EIF4H: variants seen among roughly 807,000 people sequenced by gnomAD.
EIF4H encodes the protein eukaryotic translation initiation factor 4H.
A neutral mutation model predicts 30.6 loss-of-function variants in EIF4H; 8 were observed. That is an observed-to-expected ratio of 0.26 (90% CI 0.15 to 0.47). The LOEUF is 0.47. Ranked by LOEUF, EIF4H falls within the 20% of genes least tolerant of loss-of-function variation. The pLI, the probability that EIF4H is intolerant of heterozygous loss-of-function variation, is 0.99. For synonymous variants in EIF4H, 106 were observed against 122.7 expected, an observed-to-expected ratio of 0.86 and a Z score of 0.90; for missense variants, 188 against 339.5, an observed-to-expected ratio of 0.55 and a Z score of 3.51.
chr7:74,181,904 A>G (rs1800971338), intron 1 of EIF4H, among the ~76,000 whole-genome samples: 1 of 151,848 alleles, frequency 6.6e-6, no homozygotes, highest in African/African-American at 2.4e-5. Flanking sequence ...GTTAGTAGAG[A>G]TGGGGTTTCA....
chr7:74,178,908 C>G lies in EIF4H; in HGVS notation c.59+4466C>G, dbSNP rs142967369. 8.7e-3 allele frequency among the ~76,000 whole-genome samples: 1,319 copies of G among 152,346 alleles called. 4 individuals carry two copies. The highest frequency in any genetic ancestry group is 0.016 in the Admixed American group (250 of 15,302). ...TTGATCAGGACCTTCTGAAGGAGCT[C>G]AAGTATGTGGCTGCTCCACGGTTGA... On this transcript the variant is annotated intron_variant, in intron 1 of 6. Coordinates refer to ENST00000265753, the MANE Select transcript of EIF4H (RefSeq NM_022170.2).
chr7:74,194,387 A>G (rs1554710401), intron 5 of EIF4H, among the ~76,000 whole-genome samples: 1 of 152,240 alleles, frequency 6.6e-6, no homozygotes, highest in African/African-American at 2.4e-5. Flanking sequence ...TCTATTAGAA[A>G]ATAGAGTTCA....
intron 5 of EIF4H, among the ~76,000 whole-genome samples, chr7:74,192,139 A>G (rs567490542): frequency 8.4e-4 from 128 of 152,156 alleles, no homozygotes; most frequent in Non-Finnish European, 1.4e-3. Flanking sequence ...GGTGTGAGCT[A>G]TTTGTTTCAC....
chr7:74,174,920 T>C (rs1298823136), intron 1 of EIF4H, among the ~76,000 whole-genome samples: 1 of 152,138 alleles, frequency 6.6e-6, no homozygotes, highest in African/African-American at 2.4e-5. Context: ...CTGGGGAAGG[T>C]CGGCAGCCAA....
At chr7:74,188,613 T>C (rs1801141073) in intron 2 of EIF4H, among the ~76,000 whole-genome samples, 1 of 152,098 alleles carries the variant, frequency 6.6e-6, no homozygotes, top group Non-Finnish European at 1.5e-5. Flanking sequence ...AATCAAACAG[T>C]GAAAACAAAT....
Position 74,186,317 on chromosome 7 carries a change from G to A in EIF4H, c.60-1294G>A, listed in dbSNP as rs1018380936. ...CAACCTCCACCTCCTGGGTTCAAGC[G>A]ATTCTCCTGCCTCAGCCTGCCCAGC... On this transcript the variant is annotated intron_variant, in intron 1 of 6. Transcript: ENST00000265753. Among the ~76,000 whole-genome samples the A allele has an allele frequency of 7.9e-5, 12 of 151,250 alleles. 1 individual carries two copies. The East Asian group carries it at 9.7e-4, about 12-fold the overall frequency.
At chr7:74,192,547 T>C (rs1801243132) in intron 5 of EIF4H, among the ~76,000 whole-genome samples, 1 of 152,150 alleles carries the variant, frequency 6.6e-6, no homozygotes, top group Admixed American at 6.6e-5. Flanking sequence ...TCAGCGCTTA[T>C]CATTGGAGGT....
At chr7:74,192,069 G>A (rs1376904720) in intron 5 of EIF4H, among the ~76,000 whole-genome samples, 9 of 151,994 alleles carry the variant, frequency 5.9e-5, no homozygotes, top group African/African-American at 2.2e-4. Context: ...ATGAGCCACC[G>A]CGCCCGGCCC....
chr7:74,188,445 A>G (rs1554709457), intron 2 of EIF4H, among the ~76,000 whole-genome samples: 1 of 152,204 alleles, frequency 6.6e-6, no homozygotes, highest in African/African-American at 2.4e-5. Flanking sequence ...TTTGGCCCGC[A>G]TAATCCACCC....
At chr7:74,188,417 A>G (rs945147133) in intron 2 of EIF4H, among the ~76,000 whole-genome samples, 1 of 152,188 alleles carries the variant, frequency 6.6e-6, no homozygotes, top group Non-Finnish European at 1.5e-5. Flanking sequence ...TAAGTGCACG[A>G]TGCTAGGACC....
chr7:74,180,221 C>G (rs1372396114), intron 1 of EIF4H, among the ~76,000 whole-genome samples: 1 of 152,118 alleles, frequency 6.6e-6, no homozygotes, highest in African/African-American at 2.4e-5. Flanking sequence ...AAATACTGTT[C>G]TTTTACTTCA....
chr7:74,176,294 A>G (rs1800836804), intron 1 of EIF4H, among the ~76,000 whole-genome samples: 2 of 151,176 alleles, frequency 1.3e-5, no homozygotes, highest in Admixed American at 6.6e-5. Context: ...CTGGAGTGCA[A>G]TGGTGTGATC....
intron 5 of EIF4H, among the ~76,000 whole-genome samples, chr7:74,194,481 A>G (rs1262841919): frequency 6.6e-6 from 1 of 152,180 alleles, no homozygotes; most frequent in Non-Finnish European, 1.5e-5. Flanking sequence ...TTTTCATGCA[A>G]GCTGAGCATG....
At chr7:74,190,679 T>TA (rs1245404770) in intron 5 of EIF4H, among the ~76,000 whole-genome samples, 7 of 152,212 alleles carry the variant, frequency 4.6e-5, no homozygotes, top group African/African-American at 1.7e-4. Context: ...TTTGGGTTCT[T>TA]ACATGGTGAA....
At chr7:74,176,663 C>G (rs1554707724) in intron 1 of EIF4H, among the ~76,000 whole-genome samples, 1 of 152,190 alleles carries the variant, frequency 6.6e-6, no homozygotes, top group Non-Finnish European at 1.5e-5. Flanking sequence ...TATACATCTT[C>G]CTAAGTTTAT....
In EIF4H at chr7:74,197,090, C is replaced by T. The variant is rs1297729474; in HGVS notation, c.*1782C>T. On this transcript the variant is annotated 3_prime_UTR_variant, in exon 7 of 7. Transcript: ENST00000265753. ...ATCTTTTAAATAAAAGAAAACCTTACGTAATATTTAATGCTTGCCTTTATT... is the reference window on the plus strand; with the variant it reads ...ATCTTTTAAATAAAAGAAAACCTTATGTAATATTTAATGCTTGCCTTTATT... 8.5e-5 allele frequency: 13 copies of T among 152,538 alleles called. No individual in the cohort carries two copies. The highest frequency in any genetic ancestry group is 1.7e-4 in the African/African-American group (7 of 41,420). 9.4% of individuals were successfully genotyped at this position (152,538 alleles called of 1,614,324 possible).
Position 74,195,334 on chromosome 7 carries a change from G to A in EIF4H, c.*26G>A, listed in dbSNP as rs535742148. ...GCCTGCGGTTGGGAGGGAATGGGGC[G>A]TGGGGGGTTAGAGCAGGACCACAGC... is the stretch of plus-strand genomic sequence containing the variant. On this transcript the variant is annotated 3_prime_UTR_variant, in exon 7 of 7. Coordinates refer to ENST00000265753, the MANE Select transcript of EIF4H (RefSeq NM_022170.2). The A allele has an allele frequency of 6.9e-5, 111 of 1,607,896 alleles. No individual in the cohort carries two copies. The highest frequency in any genetic ancestry group is 8.5e-5 in the Non-Finnish European group (100 of 1,176,794).
chr7:74,191,337 T>C (rs1554709932), intron 5 of EIF4H: 2 of 514,448 alleles, frequency 3.9e-6, no homozygotes, highest in East Asian at 1.1e-4. Flanking sequence ...GAACGGCCTT[T>C]CCCCTGCCAG....
At chr7:74,183,587 G>A (rs1192648212) in intron 1 of EIF4H, among the ~76,000 whole-genome samples, 1 of 152,212 alleles carries the variant, frequency 6.6e-6, no homozygotes, top group Admixed American at 6.5e-5. Context: ...ATTGATCTGT[G>A]TAGGAATGTA....
Sources: gnomAD v4.1 joint callset for allele counts (sites outside exome capture counted in the v4.1 genomes callset) on GRCh38, gnomAD v4.1.1 for gene constraint, MANE v1.5 for transcripts, NCBI Gene and HGNC (gene_info 2026-07-23, HGNC 2026-07-21) for gene names.